The following SLC10A2 variants were observed in gnomAD, a reference collection of about 807,000 sequenced individuals.
The protein encoded by SLC10A2 is solute carrier family 10 member 2, also known as ileal sodium/bile acid cotransporter.
Under a neutral mutation model 27.1 loss-of-function variants are expected in SLC10A2, and 34 were observed. That is an observed-to-expected ratio of 1.26 (90% CI 0.96 to 1.67). The LOEUF (loss-of-function observed/expected upper bound fraction) is 1.67. SLC10A2 is among the 40% of genes most tolerant of loss of function. The pLI, the probability that SLC10A2 is intolerant of heterozygous loss-of-function variation, is 0.00. For synonymous variants in SLC10A2, 205 were observed against 174.0 expected (o/e 1.18, Z -1.40); for missense variants, 530 against 444.4 (o/e 1.19, Z -1.73).
chr13:103,058,143 T>A (rs531914768), intron 2 of SLC10A2, 121 bp downstream of exon 2: 14 of 773,938 alleles, frequency 1.8e-5, no homozygotes, highest in Middle Eastern at 2.3e-4. Context: ...TATAATGAAA[T>A]CAGGCAAAAA....
At chr13:103,048,391 AAAAAAAAAAG>A (rs1004489088) in intron 5 of SLC10A2, among the ~76,000 whole-genome samples, 3 of 127,674 alleles carry the variant, frequency 2.3e-5, no homozygotes, top group Admixed American at 8.0e-5. Context: ...GGGCTGTCTC[AAAAAAAAAAG>A]AAAAAAAAAG....
chr13:103,047,884 C>T (rs1264974989), intron 5 of SLC10A2, among the ~76,000 whole-genome samples: 4 of 152,030 alleles, frequency 2.6e-5, no homozygotes, highest in African/African-American at 7.3e-5. Flanking sequence ...AAAAATCCCA[C>T]TGTGTGCCAA....
intron 2 of SLC10A2, among the ~76,000 whole-genome samples, chr13:103,054,337 C>G (rs1875879424): frequency 6.6e-6 from 1 of 152,166 alleles, no homozygotes; most frequent in South Asian, 2.1e-4. Flanking sequence ...AACTAAACTT[C>G]TTTTCTTTAT....
rs1009909317 is a variant in SLC10A2, at chr13:103,065,780, C to A, written c.377+93G>T. On this transcript the variant is annotated intron_variant, in intron 1 of 5. Coordinates refer to ENST00000245312, the MANE Select transcript of SLC10A2 (RefSeq NM_000452.3). Reference sequence around the variant, plus strand: ...TGATTCCTTAGTCATACTTTAGATGCGTGGCAAATCAGTTGGACATTCAGA... The same window carrying A: ...TGATTCCTTAGTCATACTTTAGATGAGTGGCAAATCAGTTGGACATTCAGA... 6 of 1,407,778 alleles carry A rather than the reference C, an allele frequency of 4.3e-6. No homozygotes were observed. The South Asian group carries it at 6.9e-5, about 16-fold the overall frequency. 87.2% of individuals were successfully genotyped at this position (1,407,778 alleles called of 1,614,324 possible).
intron 3 of SLC10A2, 77 bp from the exon 4 acceptor site, chr13:103,051,509 C>A (rs1457562192): frequency 6.9e-6 from 10 of 1,456,900 alleles, no homozygotes; most frequent in African/African-American, 1.4e-5. Context: ...GAGACAAAAC[C>A]TCAGCAGTCT....
intron 1 of SLC10A2, among the ~76,000 whole-genome samples, chr13:103,061,353 T>A (rs1332362008): frequency 1.3e-5 from 2 of 151,786 alleles, no homozygotes; most frequent in African/African-American, 2.4e-5. Flanking sequence ...TATTTTATTT[T>A]AAAAAATATA....
chr13:103,051,143 G>A (rs1179986874), intron 4 of SLC10A2, 114 bp downstream of exon 4: 2 of 968,680 alleles, frequency 2.1e-6, no homozygotes, highest in African/African-American at 3.2e-5. Flanking sequence ...GAGACAATAA[G>A]TGTCTGTTGT....
chr13:103,062,819 G>C (rs1302208283), intron 1 of SLC10A2, among the ~76,000 whole-genome samples: 1 of 152,162 alleles, frequency 6.6e-6, no homozygotes, highest in Non-Finnish European at 1.5e-5. Context: ...AAGGAACTGG[G>C]GGCAACTGGG....
chr13:103,063,498 A>G (rs950888474), intron 1 of SLC10A2, among the ~76,000 whole-genome samples: 2 of 152,224 alleles, frequency 1.3e-5, no homozygotes, highest in African/African-American at 4.8e-5. Flanking sequence ...TAAATGTTAG[A>G]TAGGATTGTA....
Position 103,051,210 on chromosome 13 carries a change from A to G in SLC10A2, c.761+47T>C, listed in dbSNP as rs752521825. Reference sequence around the variant, plus strand: ...GGCACCTCTAGCAAAGGAATACAACAGATATTACAGATTAAAATTCCCAAT... The same window carrying G: ...GGCACCTCTAGCAAAGGAATACAACGGATATTACAGATTAAAATTCCCAAT... On this transcript the variant is annotated intron_variant, in intron 4 of 5. Coordinates refer to ENST00000245312, the MANE Select transcript of SLC10A2 (RefSeq NM_000452.3). The G allele has an allele frequency of 3.1e-6, 5 of 1,588,116 alleles. 1 individual carries two copies. In the South Asian group the frequency reaches 5.5e-5, roughly 18 times the overall value.
At chr13:103,054,017 C>A (rs962358185) in intron 2 of SLC10A2, among the ~76,000 whole-genome samples, 2 of 152,094 alleles carry the variant, frequency 1.3e-5, no homozygotes, top group Non-Finnish European at 2.9e-5. Context: ...GCTCTCTGTC[C>A]CCACCCATAT....
intron 2 of SLC10A2, among the ~76,000 whole-genome samples, chr13:103,055,995 G>A (rs1875926220): frequency 1.3e-5 from 2 of 152,204 alleles, no homozygotes; most frequent in African/African-American, 4.8e-5. Context: ...ATTTAGAAAA[G>A]TTTTAAATTA....
At chr13:103,063,141 C>T (rs1162892409) in intron 1 of SLC10A2, among the ~76,000 whole-genome samples, 1 of 152,110 alleles carries the variant, frequency 6.6e-6, no homozygotes, top group African/African-American at 2.4e-5. Flanking sequence ...AAACTCCAGG[C>T]TGGGAGTGGT....
intron 1 of SLC10A2, among the ~76,000 whole-genome samples, chr13:103,064,059 G>A (rs1876204108): frequency 6.6e-6 from 1 of 152,184 alleles, no homozygotes; most frequent in South Asian, 2.1e-4. Flanking sequence ...CCCGCATGAG[G>A]AGCATTTATG....
intron 5 of SLC10A2, among the ~76,000 whole-genome samples, chr13:103,047,345 T>C (rs576475739): frequency 6.6e-6 from 1 of 152,322 alleles, no homozygotes; most frequent in African/African-American, 2.4e-5. Flanking sequence ...TCAAAGCCAC[T>C]GAACCACACT....
chr13:103,056,143 A>G (rs1447687223), intron 2 of SLC10A2, among the ~76,000 whole-genome samples: 1 of 152,236 alleles, frequency 6.6e-6, no homozygotes, highest in Non-Finnish European at 1.5e-5. Context: ...CCATTGTGCC[A>G]TCTGTGAGGA....
At position 103,066,188 on chromosome 13, in the gene SLC10A2, AC is replaced by A. The variant is rs1876272724; in HGVS notation, c.61del (p.Val21TyrfsTer10). The A allele has an allele frequency of 6.2e-7, 1 of 1,614,044 alleles. No homozygotes were observed. Among genetic ancestry groups the A allele is most frequent in the Non-Finnish European group, 8.5e-7 (1 of 1,179,996 alleles). ...GATGTTATTGAAATTGCTCTCAGGT[AC>A]CACACAGGATGCACCAGAGCAAACT... ...ATVCSGASCV[V>X]PESNFNNILS... is the part of the protein sequence containing the mutation. On this transcript the variant is annotated frameshift_variant, in exon 1 of 6. Coordinates refer to ENST00000245312, the MANE Select transcript of SLC10A2 (RefSeq NM_000452.3). LOFTEE classifies it high-confidence loss of function.
At chr13:103,058,681 TC>T (rs2138921537) in intron 1 of SLC10A2, among the ~76,000 whole-genome samples, 1 of 152,272 alleles carries the variant, frequency 6.6e-6, no homozygotes, top group Non-Finnish European at 1.5e-5. Context: ...ATCATTTAGC[TC>T]CCACTTATAA....
intron 2 of SLC10A2, among the ~76,000 whole-genome samples, chr13:103,055,577 C>G (rs1474769744): frequency 6.6e-6 from 1 of 152,040 alleles, no homozygotes; most frequent in Non-Finnish European, 1.5e-5. Context: ...CTAGAAAAAC[C>G]AACAGCAAAA....
Sources: gnomAD v4.1 joint callset for allele counts (sites outside exome capture counted in the v4.1 genomes callset) on GRCh38, gnomAD v4.1.1 for gene constraint, MANE v1.5 for transcripts, NCBI Gene and HGNC (gene_info 2026-07-23, HGNC 2026-07-21) for gene names.